Variants in AP2B1 observed in about 807,000 individuals in gnomAD.
AP2B1 encodes AP-2 complex subunit beta.
AP2B1 carries 23 observed loss-of-function variants against 102.0 expected under a neutral mutation model. The observed-to-expected ratio is 0.23, with a 90% CI of 0.16 to 0.32. The LOEUF (loss-of-function observed/expected upper bound fraction) is 0.32. AP2B1 is among the 10% of genes least tolerant of loss of function. AP2B1 has a pLI of 1.00. For missense variants in AP2B1, 541 were observed against 1,157.4 expected (o/e 0.47, Z 7.73); for synonymous variants, 381 against 421.2 (o/e 0.90, Z 1.17).
At chr17:35,672,574 A>G (rs1189073051) in intron 16 of AP2B1, among the ~76,000 whole-genome samples, 1 of 152,230 alleles carries the variant, frequency 6.6e-6, no homozygotes, top group African/African-American at 2.4e-5. Flanking sequence ...GATCCCTGCT[A>G]TAGAGATGTA....
chr17:35,650,871 G>C, intron 13 of AP2B1, 82 bp downstream of exon 13: 1 of 1,467,928 alleles, frequency 6.8e-7, no homozygotes, highest in Non-Finnish European at 9.3e-7. Flanking sequence ...TTATAGTCTG[G>C]AAAAGAACTG....
At chr17:35,608,410 AAG>A (rs770596136) in intron 5 of AP2B1, 23 bp downstream of exon 5, 6 of 1,613,190 alleles carry the variant, frequency 3.7e-6, no homozygotes, top group African/African-American at 2.7e-5. Context: ...TGCTTTTACA[AAG>A]AGAGCAGTAT....
Position 35,627,391 on chromosome 17 carries a change from A to G in AP2B1, c.945A>G (p.Glu315=), listed in dbSNP as rs749221429. 47 of 1,613,244 alleles carry G rather than the reference A, an allele frequency of 2.9e-5. No homozygotes were observed. Among genetic ancestry groups the G allele is most frequent in the Non-Finnish European group, 8.5e-7 (1 of 1,179,944 alleles). Residue 315 remains glutamate, a synonymous_variant, in exon 8 of 22, where the codon GAA becomes GAG. Transcript: ENST00000610402. ...CTGTTTCTGTGTACCCTAGGCCTGA[A>G]ATCTTGAAGCAGGAAATCAAAGTCT... ...NINLIVQKRP[E]ILKQEIKVFF...
intron 18 of AP2B1, among the ~76,000 whole-genome samples, chr17:35,703,438 A>G (rs887476823): frequency 1.3e-5 from 2 of 152,182 alleles, no homozygotes; most frequent in Non-Finnish European, 2.9e-5. Context: ...CTAAATGCCC[A>G]TCAGTGATAG....
At chr17:35,673,516 A>T (rs1395734263) in intron 16 of AP2B1, among the ~76,000 whole-genome samples, 3 of 152,148 alleles carry the variant, frequency 2.0e-5, no homozygotes, top group Admixed American at 2.0e-4. Flanking sequence ...TTTTTTTAAT[A>T]GTATAGGCCA....
chr17:35,712,900 C>T (rs587628346), intron 20 of AP2B1, among the ~76,000 whole-genome samples: 97 of 152,194 alleles, frequency 6.4e-4, no homozygotes, highest in African/African-American at 2.3e-3. Flanking sequence ...AAACACTCTC[C>T]GAGAGAGAAC....
chr17:35,634,099 A>G (rs1246677754), intron 9 of AP2B1, among the ~76,000 whole-genome samples: 1 of 152,242 alleles, frequency 6.6e-6, no homozygotes, highest in Non-Finnish European at 1.5e-5. Context: ...GTGAGCCAAG[A>G]TCATGCCACT....
chr17:35,637,929 C>T (rs946758060), intron 10 of AP2B1, among the ~76,000 whole-genome samples: 12 of 151,808 alleles, frequency 7.9e-5, no homozygotes, highest in Non-Finnish European at 1.3e-4. Context: ...AAGTGATCCC[C>T]CCCACCTCGC....
chr17:35,624,714 G>A lies in AP2B1; in HGVS notation c.716+127G>A, dbSNP rs2074270690. 8 of 760,506 alleles carry A rather than the reference G, an allele frequency of 1.1e-5. No homozygotes were observed. In the South Asian group the frequency reaches 1.3e-4, roughly 13 times the overall value. The allele number at this position is 760,506 out of a possible 1,614,324, so 47.1% of individuals were successfully genotyped here. ...TGGGGTAGATATTGCTATCTCCAGG[G>A]TATTTTCTCTCTGGATTTAGGAATA... is the stretch of plus-strand genomic sequence containing the variant. On this transcript the variant is annotated intron_variant, in intron 6 of 21. Coordinates refer to ENST00000610402, the MANE Select transcript of AP2B1 (RefSeq NM_001030006.2).
chr17:35,714,481 G>A (rs1357411240), intron 20 of AP2B1, among the ~76,000 whole-genome samples: 5 of 152,132 alleles, frequency 3.3e-5, no homozygotes, highest in Admixed American at 1.3e-4. Context: ...AGATCACATC[G>A]ACACCTTCTA....
intron 13 of AP2B1, among the ~76,000 whole-genome samples, chr17:35,652,120 A>T (rs75729825): frequency 0.015 from 2,264 of 152,304 alleles, 42 homozygotes; most frequent in African/African-American, 0.048. Flanking sequence ...AAAGTGTCTT[A>T]CATAAGGCCT....
intron 12 of AP2B1, among the ~76,000 whole-genome samples, chr17:35,642,579 C>G (rs2074813133): frequency 6.6e-6 from 1 of 152,102 alleles, no homozygotes; most frequent in South Asian, 2.1e-4. Flanking sequence ...TCTAGTGTAA[C>G]TAGTATAATG....
intron 13 of AP2B1, among the ~76,000 whole-genome samples, chr17:35,656,474 C>T (rs761983729): frequency 6.6e-6 from 1 of 152,196 alleles, no homozygotes; most frequent in African/African-American, 2.4e-5. Flanking sequence ...AGCTGATCTT[C>T]ATGTCCATTC....
chr17:35,599,720 A>G (rs1451918052), intron 3 of AP2B1, among the ~76,000 whole-genome samples: 1 of 152,138 alleles, frequency 6.6e-6, no homozygotes, highest in Non-Finnish European at 1.5e-5. Context: ...GCTAGCCAAC[A>G]TGGTGAAATT....
chr17:35,684,786 A>G (rs766634487), intron 18 of AP2B1, among the ~76,000 whole-genome samples: 1 of 152,222 alleles, frequency 6.6e-6, no homozygotes, highest in Non-Finnish European at 1.5e-5. Flanking sequence ...CAAGCCTAAT[A>G]TTTGAGGACA....
intron 20 of AP2B1, among the ~76,000 whole-genome samples, chr17:35,713,422 G>A (rs2076490778): frequency 6.6e-6 from 1 of 152,128 alleles, no homozygotes; most frequent in Non-Finnish European, 1.5e-5. Context: ...CTCTTCCTTT[G>A]AGTCCACCCC....
chr17:35,720,541 TTATTTATA>T (rs1223811304), intron 21 of AP2B1, among the ~76,000 whole-genome samples: 18 of 105,256 alleles, frequency 1.7e-4, no homozygotes, highest in African/African-American at 4.6e-4. Context: ...TATTTTTATT[TTATTTATA>T]TATATATATA....
At chr17:35,657,830 A>G in intron 14 of AP2B1, 39 bp downstream of exon 14, 1 of 1,574,942 alleles carries the variant, frequency 6.3e-7, no homozygotes, top group Non-Finnish European at 8.7e-7. Flanking sequence ...GGTTATTTTT[A>G]GTTCTTGATA....
Position 35,723,905 on chromosome 17 carries a change from C to T in AP2B1, c.*206C>T, listed in dbSNP as rs1474304686. On this transcript the variant is annotated 3_prime_UTR_variant, in exon 22 of 22. Coordinates refer to ENST00000610402, the MANE Select transcript of AP2B1 (RefSeq NM_001030006.2). ...GAACATTTGTAACCACTGCTTCAGTCACCTCCCACCTCTTGCCACCTGCTG... is the reference window on the plus strand; with the variant it reads ...GAACATTTGTAACCACTGCTTCAGTTACCTCCCACCTCTTGCCACCTGCTG... 3 of 475,732 alleles carry T rather than the reference C, an allele frequency of 6.3e-6. No individual in the cohort carries two copies. Among genetic ancestry groups the T allele is most frequent in the Non-Finnish European group, 1.1e-5 (3 of 262,946 alleles). 29.5% of individuals were successfully genotyped at this position (475,732 alleles called of 1,614,324 possible).
Sources: gnomAD v4.1 joint callset for allele counts (sites outside exome capture counted in the v4.1 genomes callset) on GRCh38, gnomAD v4.1.1 for gene constraint, MANE v1.5 for transcripts, NCBI Gene and HGNC (gene_info 2026-07-23, HGNC 2026-07-21) for gene names.